P4HA1: variants seen among roughly 807,000 people sequenced by gnomAD.
The protein encoded by P4HA1 is prolyl 4-hydroxylase subunit alpha 1.
In P4HA1, 24 loss-of-function variants were observed where a neutral mutation model predicts 72.8. The observed-to-expected ratio is 0.33, with a 90% CI of 0.24 to 0.46. The LOEUF is 0.46. Among genes scored for constraint, P4HA1 ranks in the 20% least tolerant of loss-of-function variants. P4HA1 has a pLI of 1.00. For missense variants in P4HA1, 446 were observed against 640.6 expected (o/e 0.70, Z 3.28); for synonymous variants, 201 against 218.8 (o/e 0.92, Z 0.72).
At chr10:73,085,405 CAG>C (rs1304580536) in intron 1 of P4HA1, among the ~76,000 whole-genome samples, 1 of 149,526 alleles carries the variant, frequency 6.7e-6, no homozygotes, top group Non-Finnish European at 1.5e-5. Context: ...TTTTTTGAGA[CAG>C]AGTTTTGCTC....
At chr10:73,042,258 C>T (rs1347725464) in intron 9 of P4HA1, among the ~76,000 whole-genome samples, 1 of 151,990 alleles carries the variant, frequency 6.6e-6, no homozygotes, top group Non-Finnish European at 1.5e-5. Context: ...GAAACCAAGA[C>T]GTGTATAGTA....
At chr10:73,090,921 G>C (rs980406838) in intron 1 of P4HA1, among the ~76,000 whole-genome samples, 1 of 151,692 alleles carries the variant, frequency 6.6e-6, no homozygotes, top group Non-Finnish European at 1.5e-5. Flanking sequence ...AAGTAGTCGG[G>C]CGTGGTGGCG....
At chr10:73,081,445 A>G (rs1841822026) in intron 1 of P4HA1, among the ~76,000 whole-genome samples, 1 of 152,206 alleles carries the variant, frequency 6.6e-6, no homozygotes, top group Admixed American at 6.5e-5. Flanking sequence ...GTAGCATATT[A>G]CATTTTTTAA....
chr10:73,034,789 C>G (rs1362591393), intron 9 of P4HA1, among the ~76,000 whole-genome samples: 1 of 151,844 alleles, frequency 6.6e-6, no homozygotes, highest in African/African-American at 2.4e-5. Context: ...TCATGGTGAC[C>G]AGGCTGGTGT....
At position 73,053,500 on chromosome 10, in the gene P4HA1, A is replaced by T; in HGVS notation, c.554T>A (p.Leu185Gln). Reference sequence around the variant, plus strand: ...TTGCCTTAGGGCTTGTTCCATCCACAGTTCCGTATGGTAATAATCTGCTTC... The same window carrying T: ...TTGCCTTAGGGCTTGTTCCATCCACTGTTCCGTATGGTAATAATCTGCTTC... ...YTEADYYHTE[L>Q]WMEQALRQLD... is the part of the protein sequence containing the mutation. Residue 185 changes from leucine (L) to glutamine (Q), a missense_variant, in exon 6 of 15, where the codon CTG becomes CAG. Coordinates refer to ENST00000394890, the MANE Select transcript of P4HA1 (RefSeq NM_001017962.3). 6.2e-7 allele frequency: 1 copy of T among 1,614,082 alleles called. No homozygotes were observed. Among genetic ancestry groups the T allele is most frequent in the South Asian group, 1.1e-5 (1 of 91,080 alleles).
rs767635747 is a variant in P4HA1 at position 73,073,681 on chromosome 10, G to A, written c.173+50C>T. 9 of 892,878 alleles carry A rather than the reference G, an allele frequency of 1.0e-5. No homozygotes were observed. The Admixed American group carries it at 1.1e-4, about 11-fold the overall frequency. 55.3% of individuals were successfully genotyped at this position (892,878 alleles called of 1,614,324 possible). On this transcript the variant is annotated intron_variant, in intron 3 of 14. Transcript: ENST00000394890. ...TTAAAGAATATTTTAGCTTGAGAAA[G>A]AAAACATCCAGGTTGAGTCAGAGTC...
rs1381764726 is a variant in P4HA1, at chr10:73,053,594, TGAAAA to T, written c.464-9_464-5del. ...AGAAAAGATTTGTGTTTCACTCCTA[TGAAAA>T]GAAAATACAGAGAACTTTAGGAATC... On this transcript the variant is annotated splice_region_variant and splice_polypyrimidine_tract_variant and intron_variant, in intron 5 of 14. Transcript: ENST00000394890. 1 of 1,612,584 alleles carries T rather than the reference TGAAAA, an allele frequency of 6.2e-7. No individual in the cohort carries two copies. The highest frequency in any genetic ancestry group is 2.2e-5 in the East Asian group (1 of 44,878).
At chr10:73,052,756 T>A (rs1212443267) in intron 6 of P4HA1, among the ~76,000 whole-genome samples, 1 of 152,202 alleles carries the variant, frequency 6.6e-6, no homozygotes, top group East Asian at 1.9e-4. Context: ...CACCTAAACT[T>A]ATTATCATAC....
chr10:73,034,080 C>T (rs566834942), intron 9 of P4HA1, among the ~76,000 whole-genome samples: 242 of 152,072 alleles, frequency 1.6e-3, no homozygotes, highest in Non-Finnish European at 2.7e-3. Context: ...GGCATGGTAG[C>T]GTGTGCCTGT....
chr10:73,030,880 G>A (rs1012919623), intron 9 of P4HA1, among the ~76,000 whole-genome samples: 5 of 152,154 alleles, frequency 3.3e-5, no homozygotes, highest in African/African-American at 1.2e-4. Flanking sequence ...GTGTTGGTAA[G>A]GATGTGAAGA....
intron 7 of P4HA1, among the ~76,000 whole-genome samples, chr10:73,049,038 G>T (rs933874250): frequency 1.3e-5 from 2 of 152,104 alleles, no homozygotes; most frequent in Non-Finnish European, 2.9e-5. Flanking sequence ...GGAGGCTGAG[G>T]CAGGAGAATG....
rs1411667419 is a variant in P4HA1 at position 73,038,868 on chromosome 10, C to G, written c.1148+6113G>C. ...GTCTCGATCTCCTGACCTCGTGATC[C>G]GCCCGCCTCGGCCTCCCAAAGTGCT... is the stretch of plus-strand genomic sequence containing the variant. On this transcript the variant is annotated intron_variant, in intron 9 of 14. Transcript: ENST00000394890. 3.6e-5 allele frequency among the ~76,000 whole-genome samples: 4 copies of G among 110,000 alleles called. 2 individuals are homozygous for G. The highest frequency in any genetic ancestry group is 2.2e-4 in the African/African-American group (4 of 17,960). The allele number at this position is 110,000 out of a possible 152,430, so 72.2% of individuals were successfully genotyped here.
intron 5 of P4HA1, among the ~76,000 whole-genome samples, chr10:73,068,172 G>C (rs1841471185): frequency 6.6e-6 from 1 of 152,042 alleles, no homozygotes; most frequent in Non-Finnish European, 1.5e-5. Context: ...CAAATAAAGG[G>C]AGATGAGCAA....
At chr10:73,015,963 A>T (rs2894193) in intron 11 of P4HA1, among the ~76,000 whole-genome samples, 10,371 of 152,036 alleles carry the variant, frequency 0.068, 607 homozygotes, top group East Asian at 0.29. Flanking sequence ...ATGAATTTTT[A>T]ATGTTAAAAT....
chr10:73,024,660 T>C (rs1314586953), intron 10 of P4HA1, among the ~76,000 whole-genome samples: 11 of 151,972 alleles, frequency 7.2e-5, no homozygotes, highest in African/African-American at 2.4e-4. Flanking sequence ...CTGAAAGAGA[T>C]ACAGACATAA....
At chr10:73,049,297 C>T (rs181993566) in intron 7 of P4HA1, among the ~76,000 whole-genome samples, 26 of 152,266 alleles carry the variant, frequency 1.7e-4, no homozygotes, top group African/African-American at 6.3e-4. Flanking sequence ...AAATGCAAAG[C>T]CCAGCTTGAG....
At chr10:73,009,050 T>C in intron 14 of P4HA1, among the ~76,000 whole-genome samples, 1 of 152,150 alleles carries the variant, frequency 6.6e-6, no homozygotes, top group South Asian at 2.1e-4. Flanking sequence ...GAAAACAGCT[T>C]TCTAAACTCT....
chr10:73,025,997 G>A (rs1332539198), intron 10 of P4HA1, among the ~76,000 whole-genome samples: 1 of 152,136 alleles, frequency 6.6e-6, no homozygotes, highest in African/African-American at 2.4e-5. Context: ...TCATGGATAG[G>A]AAGAATCAAT....
chr10:73,030,309 G>C lies in P4HA1; in HGVS notation c.1210C>G (p.Leu404Val), dbSNP rs201321672. 7 of 1,573,640 alleles carry C rather than the reference G, an allele frequency of 4.4e-6. No individual in the cohort carries two copies. The highest frequency in any genetic ancestry group is 2.7e-5 in the African/African-American group (2 of 74,418). Residue 404 changes from leucine to valine, a missense_variant, in exon 10 of 15, where the codon CTA becomes GTA. Physicochemically the swap from Leu to Val is conservative, Grantham distance 32. Transcript: ENST00000394890. ...GCTGTGGAAACATCTAGTCCTGTTA[G>C]ATCTTGTATTCTCATATTAATTCGA... ...VSRINMRIQD[L>V]TGLDVSTAEE...
Sources: allele counts gnomAD v4.1 joint callset (sites outside exome capture counted in the v4.1 genomes callset), GRCh38; gene constraint gnomAD v4.1.1; transcripts MANE v1.5; gene names NCBI Gene and HGNC (gene_info 2026-07-23, HGNC 2026-07-21).